Variants in NEURL1 observed in about 807,000 individuals in gnomAD.
The protein encoded by NEURL1 is E3 ubiquitin-protein ligase NEURL1.
Under a neutral mutation model 41.2 loss-of-function variants are expected in NEURL1, and 26 were observed. The ratio of observed to expected loss-of-function variants is 0.63; its 90% CI spans 0.46 to 0.87. NEURL1 has a LOEUF of 0.87. Ranked by LOEUF, NEURL1 falls within the 40% of genes least tolerant of loss-of-function variation. The pLI, the probability that NEURL1 is intolerant of heterozygous loss-of-function variation, is 0.00. For missense variants in NEURL1, 761 were observed against 871.1 expected, an observed-to-expected ratio of 0.87 and a Z score of 1.59; for synonymous variants, 400 against 402.3, an observed-to-expected ratio of 0.99 and a Z score of 0.07.
chr10:103,568,694 A>AT (rs2035476627), intron 1 of NEURL1, among the ~76,000 whole-genome samples: 1 of 152,108 alleles, frequency 6.6e-6, no homozygotes, highest in Non-Finnish European at 1.5e-5. Context: ...AAAAAAAAAG[A>AT]TAAGGAACAC....
rs572590655 is a variant in NEURL1 at position 103,590,703 on chromosome 10, C to G, written c.*331C>G. 1 of 359,910 alleles carries G rather than the reference C, an allele frequency of 2.8e-6. No individual in the cohort carries two copies. The highest frequency in any genetic ancestry group is 5.2e-6 in the Non-Finnish European group (1 of 193,294). The allele number at this position is 359,910 out of a possible 1,614,324, so 22.3% of individuals were successfully genotyped here. The stretch of plus-strand genomic sequence containing the variant: ...ATCTTTCCCCATCTGAGGCAGGTTT[C>G]TAGGAGGTGTCTGTAGTCCATGTGG... On this transcript the variant is annotated 3_prime_UTR_variant, in exon 6 of 6. Transcript: ENST00000369780.
At chr10:103,576,572 G>A (rs536605892) in intron 3 of NEURL1, among the ~76,000 whole-genome samples, 3 of 152,286 alleles carry the variant, frequency 2.0e-5, no homozygotes, top group South Asian at 4.1e-4. Context: ...GAGATGGGGA[G>A]AGGCCTGCCC....
intron 3 of NEURL1, among the ~76,000 whole-genome samples, chr10:103,574,107 T>G (rs1592234741): frequency 6.7e-6 from 1 of 148,792 alleles, no homozygotes; most frequent in African/African-American, 2.5e-5. Context: ...AGGGGCAGGG[T>G]GGGGGACGAA....
intron 5 of NEURL1, 90 bp downstream of exon 5, chr10:103,589,750 A>G (rs1002181389): frequency 2.6e-5 from 39 of 1,502,884 alleles, no homozygotes; most frequent in Middle Eastern, 3.9e-4. Flanking sequence ...AGTGGAGAGG[A>G]GCTGGAGTTG....
chr10:103,550,237 G>A (rs902844556), intron 1 of NEURL1, among the ~76,000 whole-genome samples: 11 of 152,288 alleles, frequency 7.2e-5, no homozygotes, highest in African/African-American at 2.4e-4. Context: ...AACCAAGATG[G>A]CACCCAAGGG....
chr10:103,584,915 G>C lies in NEURL1; in HGVS notation c.1029G>C (p.Thr343=). 2 of 1,468,960 alleles carry C rather than the reference G, an allele frequency of 1.4e-6. No homozygotes were observed. Among genetic ancestry groups the C allele is most frequent in the Non-Finnish European group, 1.8e-6 (2 of 1,117,700 alleles). 91.0% of individuals were successfully genotyped at this position (1,468,960 alleles called of 1,614,324 possible). A position where few individuals can be genotyped will look rare whatever the true frequency, so the allele number is the denominator to read the frequency against. ...CCGAGACCATCTTCGTCAAGGTCACGCGCTCGGGTGGCGCGCGGCCCGGCG... is the reference window on the plus strand; with the variant it reads ...CCGAGACCATCTTCGTCAAGGTCACCCGCTCGGGTGGCGCGCGGCCCGGCG... ...RVAETIFVKV[T]RSGGARPGAL... The change falls in exon 4 of 6, where the codon ACG becomes ACC. Residue 343 remains threonine, a synonymous_variant. Coordinates refer to ENST00000369780, the MANE Select transcript of NEURL1 (RefSeq NM_004210.5).
intron 1 of NEURL1, among the ~76,000 whole-genome samples, chr10:103,537,131 T>C (rs1386483408): frequency 5.3e-5 from 8 of 152,260 alleles, no homozygotes; most frequent in African/African-American, 1.9e-4. Flanking sequence ...TATTCCATTG[T>C]ATGTATGTGC....
In NEURL1 at chr10:103,582,818, G is replaced by A. The variant is rs563605287; in HGVS notation, c.650-1718G>A. ...AAAGGAAGGGATCGGTCCATGGTGC[G>A]GCTTACAGTGGCACCAGGCATATTT... On this transcript the variant is annotated intron_variant, in intron 3 of 5. Transcript: ENST00000369780. 4.6e-5 allele frequency among the ~76,000 whole-genome samples: 7 copies of A among 152,296 alleles called. No individual in the cohort carries two copies. The South Asian group carries it at 1.0e-3, about 23-fold the overall frequency.
intron 1 of NEURL1, among the ~76,000 whole-genome samples, chr10:103,496,292 A>T (rs1203201355): frequency 1.3e-5 from 2 of 152,336 alleles, no homozygotes; most frequent in Admixed American, 1.3e-4. Flanking sequence ...TTCTTGGTAG[A>T]GTACTATGCA....
At chr10:103,588,647 T>C (rs1165266393) in intron 4 of NEURL1, 6 of 375,392 alleles carry the variant, frequency 1.6e-5, no homozygotes, top group Non-Finnish European at 2.7e-5. Flanking sequence ...AGGCGAGGAT[T>C]GTTAAAAAGG....
chr10:103,508,611 G>T lies in NEURL1; in HGVS notation c.85+14139G>T, dbSNP rs2033999684. ...AGCCAGTGCCTGAGAGGGGCAGAAG[G>T]GGTTTTCCCTTTCTGAGGCTGGCGT... On this transcript the variant is annotated intron_variant, in intron 1 of 5. Coordinates refer to ENST00000369780, the MANE Select transcript of NEURL1 (RefSeq NM_004210.5). The surrounding 1 kb of genome is among the most constrained non-coding windows in gnomAD (Gnocchi z 4.3). Among the ~76,000 whole-genome samples the T allele has an allele frequency of 1.3e-5, 2 of 152,190 alleles. No individual in the cohort carries two copies. Among genetic ancestry groups the T allele is most frequent in the Non-Finnish European group, 2.9e-5 (2 of 68,038 alleles).
At chr10:103,570,739 G>A (rs2035522189) in intron 1 of NEURL1, 133 bp from the exon 2 acceptor site, 5 of 1,425,028 alleles carry the variant, frequency 3.5e-6, no homozygotes, top group African/African-American at 1.4e-5. Flanking sequence ...GTGGCAAGGG[G>A]TGGCGGCAGT....
At position 103,508,698 on chromosome 10, in the gene NEURL1, G is replaced by T. The variant is rs10786755; in HGVS notation, c.85+14226G>T. ...TGCAGACCCTGATGTGGGCCCAGGG[G>T]TTGGAGGAAGCGGTTGGGATAGGTC... On this transcript the variant is annotated intron_variant, in intron 1 of 5. Coordinates refer to ENST00000369780, the MANE Select transcript of NEURL1 (RefSeq NM_004210.5). This position sits in a 1 kb window ranked among gnomAD's most constrained non-coding sequence, Gnocchi z 4.3. Among the ~76,000 whole-genome samples the T allele has an allele frequency of 0.43, 65,791 of 151,832 alleles. 14,472 individuals are homozygous for T. Among genetic ancestry groups the T allele is most frequent in the East Asian group, 0.59 (3,019 of 5,150 alleles).
At position 103,558,634 on chromosome 10, in the gene NEURL1, G is replaced by T. The variant is rs2035214809; in HGVS notation, c.86-12238G>T. Among the ~76,000 whole-genome samples, 2 of 151,980 alleles carry T rather than the reference G, an allele frequency of 1.3e-5. No individual in the cohort carries two copies. The highest frequency in any genetic ancestry group is 2.9e-5 in the Non-Finnish European group (2 of 67,990). On this transcript the variant is annotated intron_variant, in intron 1 of 5. Transcript: ENST00000369780. This position sits in a 1 kb window ranked among gnomAD's most constrained non-coding sequence, Gnocchi z 4.2. Reference sequence around the variant, plus strand: ...GGAAATGAATTCCCATTTGGAAAATGGTTTAAGCGGTTACACGCTTGATCT... The same window carrying T: ...GGAAATGAATTCCCATTTGGAAAATTGTTTAAGCGGTTACACGCTTGATCT...
rs951735572 is a variant in NEURL1 at position 103,571,881 on chromosome 10, T to C, written c.649+59T>C. 9 of 1,485,784 alleles carry C rather than the reference T, an allele frequency of 6.1e-6. No homozygotes were observed. In the African/African-American group the frequency reaches 9.6e-5, roughly 16 times the overall value. 92.0% of individuals were successfully genotyped at this position (1,485,784 alleles called of 1,614,324 possible). A position where few individuals can be genotyped will look rare whatever the true frequency, so the allele number is the denominator to read the frequency against. On this transcript the variant is annotated intron_variant, in intron 3 of 5. Transcript: ENST00000369780. ...GGGACACCCCTCAGCCTCTGGGCAC[T>C]GCAGCCTGGCACTGTTCAATCCCAT...
chr10:103,538,495 C>T (rs541784868), intron 1 of NEURL1, among the ~76,000 whole-genome samples: 4 of 149,126 alleles, frequency 2.7e-5, no homozygotes, highest in South Asian at 2.3e-4. Flanking sequence ...CACTTGAGCC[C>T]GGGAGGCAGA....
At chr10:103,588,805 G>T (rs772939221) in intron 4 of NEURL1, 1 of 434,334 alleles carries the variant, frequency 2.3e-6, no homozygotes, top group Non-Finnish European at 4.6e-6. Context: ...AATTAGCTGG[G>T]TGTGGTGGCA....
intron 4 of NEURL1, among the ~76,000 whole-genome samples, chr10:103,586,191 G>A (rs1281003229): frequency 6.6e-6 from 1 of 152,212 alleles, no homozygotes; most frequent in Non-Finnish European, 1.5e-5. Context: ...TTTGATTAAG[G>A]AGACGGTGAT....
chr10:103,499,102 C>T (rs1253487775), intron 1 of NEURL1, among the ~76,000 whole-genome samples: 1 of 152,250 alleles, frequency 6.6e-6, no homozygotes, highest in African/African-American at 2.4e-5. Context: ...GAATTGGATA[C>T]TTCACAAAGT....
Sources: gnomAD v4.1 joint callset for allele counts (sites outside exome capture counted in the v4.1 genomes callset) on GRCh38, gnomAD v4.1.1 for gene constraint, Gnocchi (gnomAD v3.1) non-coding constraint, MANE v1.5 for transcripts, NCBI Gene and HGNC (gene_info 2026-07-23, HGNC 2026-07-21) for gene names.